The following ADAMTS17 variants were observed in gnomAD, a reference collection of about 807,000 sequenced individuals.
The protein encoded by ADAMTS17 is A disintegrin and metalloproteinase with thrombospondin motifs 17.
A neutral mutation model predicts 141.5 loss-of-function variants in ADAMTS17; 113 were observed. The observed-to-expected ratio is 0.80, with a 90% CI of 0.69 to 0.93. The LOEUF (loss-of-function observed/expected upper bound fraction) is 0.93, where lower values mean the gene tolerates loss of function less well. Among genes scored for constraint, ADAMTS17 ranks in the 40% least tolerant of loss-of-function variants. ADAMTS17 has a pLI of 0.00. For synonymous variants in ADAMTS17, 768 were observed against 630.6 expected, an observed-to-expected ratio of 1.22 and a Z score of -3.27; for missense variants, 1,659 against 1,517.9, an observed-to-expected ratio of 1.09 and a Z score of -1.54.
intron 4 of ADAMTS17, among the ~76,000 whole-genome samples, chr15:100,266,249 C>T (rs1448036141): frequency 6.6e-6 from 1 of 152,226 alleles, no homozygotes; most frequent in Non-Finnish European, 1.5e-5. Context: ...TTAAAATATT[C>T]CTGCTCCCGT....
intron 10 of ADAMTS17, among the ~76,000 whole-genome samples, chr15:100,145,242 C>G (rs985857963): frequency 6.6e-6 from 1 of 152,184 alleles, no homozygotes; most frequent in Non-Finnish European, 1.5e-5. Flanking sequence ...TTCTTAGCAA[C>G]GGTCTTTGGG....
intron 7 of ADAMTS17, among the ~76,000 whole-genome samples, chr15:100,243,510 C>G (rs1249844061): frequency 6.6e-6 from 1 of 152,186 alleles, no homozygotes; most frequent in African/African-American, 2.4e-5. Context: ...GTCATTCTGG[C>G]TGGGTGCCAT....
chr15:100,149,163 T>C (rs1007503615), intron 10 of ADAMTS17, among the ~76,000 whole-genome samples: 13 of 152,244 alleles, frequency 8.5e-5, no homozygotes, highest in Non-Finnish European at 1.5e-4. Flanking sequence ...GCGCAGACTG[T>C]TGATACAGCA....
chr15:100,298,527 T>A (rs1381157485), intron 3 of ADAMTS17, among the ~76,000 whole-genome samples: 1 of 152,198 alleles, frequency 6.6e-6, no homozygotes, highest in South Asian at 2.1e-4. Flanking sequence ...ACACCCCAGA[T>A]GGCAGAACCG....
intron 2 of ADAMTS17, among the ~76,000 whole-genome samples, chr15:100,336,801 T>TAGTAACAC (rs2046220369): frequency 6.6e-6 from 1 of 152,098 alleles, no homozygotes; most frequent in Non-Finnish European, 1.5e-5. Context: ...AGTAGTAACA[T>TAGTAACAC]CCCAAACCTG....
intron 8 of ADAMTS17, among the ~76,000 whole-genome samples, chr15:100,161,762 G>A (rs901386227): frequency 1.3e-5 from 2 of 152,184 alleles, no homozygotes; most frequent in African/African-American, 4.8e-5. Context: ...GCCACTAGGG[G>A]ATAACAGGCT....
At chr15:100,154,207 A>G (rs1231000014) in intron 9 of ADAMTS17, among the ~76,000 whole-genome samples, 3 of 151,970 alleles carry the variant, frequency 2.0e-5, no homozygotes, top group Admixed American at 2.0e-4. Flanking sequence ...AACCCAACCC[A>G]TCTCGTGGCC....
chr15:100,127,666 G>A (rs369019075), intron 12 of ADAMTS17, among the ~76,000 whole-genome samples: 44 of 152,294 alleles, frequency 2.9e-4, no homozygotes, highest in African/African-American at 1.0e-3. Flanking sequence ...ACTGCAAACT[G>A]CACCTCCCGG....
At chr15:100,267,883 C>T (rs759512356) in intron 4 of ADAMTS17, among the ~76,000 whole-genome samples, 1 of 152,214 alleles carries the variant, frequency 6.6e-6, no homozygotes, top group Non-Finnish European at 1.5e-5. Context: ...ACAGACAATA[C>T]ATTTACACTT....
Position 100,055,046 on chromosome 15 carries a change from G to A in ADAMTS17, c.2138-992C>T, listed in dbSNP as rs150471579. Among the ~76,000 whole-genome samples the A allele has an allele frequency of 8.5e-5, 13 of 152,216 alleles. 1 individual carries two copies. The highest frequency in any genetic ancestry group is 2.9e-4 in the African/African-American group (12 of 41,532). On this transcript the variant is annotated intron_variant, in intron 15 of 21. Coordinates refer to ENST00000268070, the MANE Select transcript of ADAMTS17 (RefSeq NM_139057.4). ...AACTAAAACCTATTCTGGCATTTTAGGAGAAGTCGGCAGATGACAAGAGGT... is the reference window on the plus strand; with the variant it reads ...AACTAAAACCTATTCTGGCATTTTAAGAGAAGTCGGCAGATGACAAGAGGT...
intron 4 of ADAMTS17, among the ~76,000 whole-genome samples, chr15:100,278,970 T>C (rs992385420): frequency 1.3e-5 from 2 of 152,158 alleles, no homozygotes; most frequent in African/African-American, 4.8e-5. Context: ...GGAGAATCAG[T>C]CCTGGTCTCC....
At chr15:100,157,303 A>AAAG (rs1301573959) in intron 8 of ADAMTS17, among the ~76,000 whole-genome samples, 1 of 152,236 alleles carries the variant, frequency 6.6e-6, no homozygotes, top group African/African-American at 2.4e-5. Context: ...ACCCGTCCTC[A>AAAG]AAGAAGAGGC....
intron 4 of ADAMTS17, among the ~76,000 whole-genome samples, chr15:100,264,250 G>A (rs1220570604): frequency 6.6e-6 from 1 of 152,176 alleles, no homozygotes; most frequent in Non-Finnish European, 1.5e-5. Flanking sequence ...CCCCAAGCCT[G>A]GGGGAGGAGG....
intron 8 of ADAMTS17, among the ~76,000 whole-genome samples, chr15:100,163,026 G>GTA (rs1025390134): frequency 1.4e-5 from 2 of 141,572 alleles, no homozygotes; most frequent in Admixed American, 7.2e-5. Flanking sequence ...AACTATATAT[G>GTA]TATATATATG....
At chr15:100,283,755 T>C (rs1418025308) in intron 3 of ADAMTS17, among the ~76,000 whole-genome samples, 2 of 152,202 alleles carry the variant, frequency 1.3e-5, no homozygotes, top group African/African-American at 4.8e-5. Context: ...CTAAGAAAAG[T>C]AGCCTGTCAC....
chr15:100,114,194 A>T (rs1435515723), intron 13 of ADAMTS17, among the ~76,000 whole-genome samples: 1 of 151,692 alleles, frequency 6.6e-6, no homozygotes. Flanking sequence ...GAAGAGGAAA[A>T]AAAAGAACAA....
intron 5 of ADAMTS17, among the ~76,000 whole-genome samples, chr15:100,262,107 C>T (rs1398218318): frequency 1.3e-5 from 2 of 152,164 alleles, no homozygotes; most frequent in South Asian, 2.1e-4. Context: ...AGACTCCATC[C>T]GAGACCCTCC....
At chr15:100,195,320 G>C (rs573142303) in intron 8 of ADAMTS17, among the ~76,000 whole-genome samples, 1 of 152,264 alleles carries the variant, frequency 6.6e-6, no homozygotes, top group African/African-American at 2.4e-5. Flanking sequence ...TCCTTTGTCA[G>C]GGCACAGAAT....
intron 2 of ADAMTS17, among the ~76,000 whole-genome samples, chr15:100,332,859 G>A (rs1302790826): frequency 6.6e-6 from 1 of 152,202 alleles, no homozygotes; most frequent in African/African-American, 2.4e-5. Context: ...TTGCCCTCTT[G>A]GGCCCCGACC....
Sources: allele counts gnomAD v4.1 joint callset (sites outside exome capture counted in the v4.1 genomes callset), GRCh38; gene constraint gnomAD v4.1.1; transcripts MANE v1.5; gene names NCBI Gene and HGNC (gene_info 2026-07-23, HGNC 2026-07-21).